Variants in KCNMA1 observed in about 807,000 individuals in gnomAD.
The protein encoded by KCNMA1 is Calcium-activated potassium channel subunit alpha-1.
Under a neutral mutation model 140.0 loss-of-function variants are expected in KCNMA1, and 29 were observed. The ratio of observed to expected loss-of-function variants is 0.21; its 90% CI spans 0.15 to 0.28. The LOEUF (loss-of-function observed/expected upper bound fraction) is 0.28, where lower values mean the gene tolerates loss of function less well. Among genes scored for constraint, KCNMA1 ranks in the 10% least tolerant of loss-of-function variants. The probability of loss-of-function intolerance (pLI) is 1.00; values close to 1 mark genes in which losing one functional copy is unlikely to be tolerated. For synonymous variants in KCNMA1, 612 were observed against 611.9 expected, an observed-to-expected ratio of 1.00 and a Z score of 0.00; for missense variants, 880 against 1,602.2, an observed-to-expected ratio of 0.55 and a Z score of 7.70.
intron 1 of KCNMA1, among the ~76,000 whole-genome samples, chr10:77,471,179 A>C (rs965244416): frequency 1.3e-5 from 2 of 151,488 alleles, no homozygotes; most frequent in Non-Finnish European, 1.5e-5. Context: ...CACACAACAC[A>C]CAATACACAC....
chr10:76,882,398 T>G (rs573051600), downstream of KCNMA1, among the ~76,000 whole-genome samples: 2 of 152,236 alleles, frequency 1.3e-5, no homozygotes, highest in South Asian at 4.2e-4. Flanking sequence ...GCTTCGACCT[T>G]CAAGGGTAAT....
At chr10:77,480,278 C>T (rs1401536707) in intron 1 of KCNMA1, among the ~76,000 whole-genome samples, 1 of 152,232 alleles carries the variant, frequency 6.6e-6, no homozygotes, top group Non-Finnish European at 1.5e-5. Context: ...GCTGGCCCTG[C>T]CCGCCTCCCA....
chr10:76,891,250 G>A (rs1176766526), intron 26 of KCNMA1, among the ~76,000 whole-genome samples: 2 of 152,236 alleles, frequency 1.3e-5, no homozygotes, highest in African/African-American at 2.4e-5. Flanking sequence ...TTCCCAATAG[G>A]TCTAGTGCTC....
At chr10:77,114,013 A>C (rs2097389712) in intron 6 of KCNMA1, among the ~76,000 whole-genome samples, 1 of 152,194 alleles carries the variant, frequency 6.6e-6, no homozygotes, top group African/African-American at 2.4e-5. Context: ...CGGGGATGGC[A>C]TCACATCAGG....
chr10:77,124,847 A>G (rs967253745), intron 5 of KCNMA1, among the ~76,000 whole-genome samples: 1 of 152,228 alleles, frequency 6.6e-6, no homozygotes, highest in African/African-American at 2.4e-5. Flanking sequence ...TAATAAAGAC[A>G]TACCCGAGAC....
At chr10:77,453,007 G>A (rs996215241) in intron 1 of KCNMA1, among the ~76,000 whole-genome samples, 1 of 152,126 alleles carries the variant, frequency 6.6e-6, no homozygotes, top group African/African-American at 2.4e-5. Flanking sequence ...AGCTGACGGG[G>A]TTGCTATAAG....
intron 2 of KCNMA1, among the ~76,000 whole-genome samples, chr10:77,276,859 T>C (rs967231234): frequency 5.3e-5 from 8 of 152,142 alleles, no homozygotes; most frequent in African/African-American, 1.7e-4. Flanking sequence ...CTATTCTAAA[T>C]ATTTTACTTA....
Position 77,492,227 on chromosome 10 carries a change from A to T in KCNMA1, c.379-88204T>A, listed in dbSNP as rs939346295. ...TGTTCTCAGACCCTGCTCCCAACAC[A>T]TGGCTTCCACACTCTCTGCCTTCCC... On this transcript the variant is annotated intron_variant, in intron 1 of 27. Transcript: ENST00000286628. Among the ~76,000 whole-genome samples the T allele has an allele frequency of 6.6e-5, 10 of 152,080 alleles. No homozygotes were observed. The East Asian group carries it at 1.9e-3, about 29-fold the overall frequency.
At chr10:77,247,070 GAGCCTGCATT>G (rs2058693212) in intron 3 of KCNMA1, among the ~76,000 whole-genome samples, 1 of 152,200 alleles carries the variant, frequency 6.6e-6, no homozygotes, top group African/African-American at 2.4e-5. Context: ...TCAGAGACAA[GAGCCTGCATT>G]GAAGTCACCA....
At chr10:77,168,144 A>T (rs1021264385) in intron 5 of KCNMA1, among the ~76,000 whole-genome samples, 9 of 152,204 alleles carry the variant, frequency 5.9e-5, no homozygotes, top group Admixed American at 2.0e-4. Context: ...ATATAGTAGT[A>T]ATTAAAAGCT....
chr10:77,440,594 G>A (rs111786030), intron 1 of KCNMA1, among the ~76,000 whole-genome samples: 1 of 152,188 alleles, frequency 6.6e-6, no homozygotes, highest in African/African-American at 2.4e-5. Flanking sequence ...TAGTGGGAAA[G>A]ATGCTGCCAG....
At chr10:77,169,925 C>T (rs895238348) in intron 5 of KCNMA1, among the ~76,000 whole-genome samples, 32 of 152,298 alleles carry the variant, frequency 2.1e-4, no homozygotes, top group Admixed American at 1.9e-3. Flanking sequence ...GGCACAGTGG[C>T]TCACACCTGT....
intron 13 of KCNMA1, among the ~76,000 whole-genome samples, chr10:77,074,786 T>C (rs2153715704): frequency 6.6e-6 from 1 of 152,360 alleles, no homozygotes; most frequent in Middle Eastern, 3.4e-3. Flanking sequence ...ACTTTTGCTC[T>C]GCACTAGGAG....
At chr10:77,540,964 C>T (rs1292142980) in intron 1 of KCNMA1, among the ~76,000 whole-genome samples, 22 of 150,464 alleles carry the variant, frequency 1.5e-4, no homozygotes, top group Admixed American at 1.5e-3. Context: ...AAGATCGCAC[C>T]ACTGCACTCC....
At chr10:77,461,684 C>A (rs912591509) in intron 1 of KCNMA1, among the ~76,000 whole-genome samples, 1 of 152,166 alleles carries the variant, frequency 6.6e-6, no homozygotes, top group South Asian at 2.1e-4. Context: ...GGGCTTGTTG[C>A]CCCAACTAGA....
chr10:77,601,763 C>T lies in KCNMA1; in HGVS notation c.378+35502G>A, dbSNP rs1385142494. Among the ~76,000 whole-genome samples the T allele has an allele frequency of 3.3e-5, 5 of 152,270 alleles. No homozygotes were observed. In the East Asian group the frequency reaches 9.7e-4, roughly 29 times the overall value. ...GCCACTTTATTTGTCAGTGACTCAA[C>T]CAGGAACCACATGGACTTCAAGGCA... On this transcript the variant is annotated intron_variant, in intron 1 of 27. Transcript: ENST00000286628.
At chr10:76,915,334 G>A (rs2052351171) in intron 23 of KCNMA1, among the ~76,000 whole-genome samples, 1 of 151,924 alleles carries the variant, frequency 6.6e-6, no homozygotes, top group African/African-American at 2.4e-5. Context: ...TCTTTCCAGG[G>A]ACACAGGAGA....
downstream of KCNMA1, among the ~76,000 whole-genome samples, chr10:76,881,824 T>C (rs2034797793): frequency 6.6e-6 from 1 of 152,066 alleles, no homozygotes; most frequent in Non-Finnish European, 1.5e-5. Flanking sequence ...GGGATTTGGT[T>C]GGTCATCTTC....
At chr10:77,382,729 G>A (rs916093410) in intron 2 of KCNMA1, among the ~76,000 whole-genome samples, 2 of 151,196 alleles carry the variant, frequency 1.3e-5, no homozygotes, top group South Asian at 2.1e-4. Flanking sequence ...GCTCGGTGTG[G>A]TGGTGGGTGC....
Sources: allele counts gnomAD v4.1 joint callset (sites outside exome capture counted in the v4.1 genomes callset), GRCh38; gene constraint gnomAD v4.1.1; transcripts MANE v1.5; gene names NCBI Gene and HGNC (gene_info 2026-07-23, HGNC 2026-07-21).